GMPS: variants seen among roughly 807,000 people sequenced by gnomAD.
GMPS encodes GMP synthase [glutamine-hydrolyzing].
Under a neutral mutation model 77.9 loss-of-function variants are expected in GMPS, and 15 were observed. That is an observed-to-expected ratio of 0.19 (90% confidence interval 0.13 to 0.30). GMPS has a LOEUF of 0.30. Among genes scored for constraint, GMPS ranks in the 10% least tolerant of loss-of-function variants. The pLI, the probability that GMPS is intolerant of heterozygous loss-of-function variation, is 1.00. For synonymous variants in GMPS, 224 were observed against 275.9 expected, an observed-to-expected ratio of 0.81 and a Z score of 1.86; for missense variants, 590 against 838.8, an observed-to-expected ratio of 0.70 and a Z score of 3.66.
chr3:155,877,231 A>G (rs1482053069), intron 1 of GMPS, among the ~76,000 whole-genome samples: 4 of 152,198 alleles, frequency 2.6e-5, no homozygotes, highest in Admixed American at 2.0e-4. Flanking sequence ...ATATATCATT[A>G]TTTTGATGTT....
rs12386359 is a variant in GMPS, at chr3:155,929,618, C to T, written c.1561-2147C>T. On this transcript the variant is annotated intron_variant, in intron 12 of 15. Coordinates refer to ENST00000496455, the MANE Select transcript of GMPS (RefSeq NM_003875.3). Reference sequence around the variant, plus strand: ...ATGATTGTATATCTAGAAAACCCCACTGTCTCAGCCCAAAATCTCCTTAAG... The same window carrying T: ...ATGATTGTATATCTAGAAAACCCCATTGTCTCAGCCCAAAATCTCCTTAAG... Among the ~76,000 whole-genome samples the T allele has an allele frequency of 2.1e-5, 3 of 144,888 alleles. No homozygotes were observed. In the South Asian group the frequency reaches 7.4e-4, roughly 36 times the overall value.
chr3:155,890,907 C>G (rs999894074), intron 1 of GMPS, among the ~76,000 whole-genome samples: 8 of 152,208 alleles, frequency 5.3e-5, no homozygotes, highest in Non-Finnish European at 8.8e-5. Flanking sequence ...TGTTGGCCAG[C>G]CCCGTTTGGA....
chr3:155,919,207 T>C, intron 9 of GMPS, 26 bp from the exon 10 acceptor site: 1 of 1,015,432 alleles, frequency 9.8e-7, no homozygotes, highest in Non-Finnish European at 1.5e-6. Flanking sequence ...CTAGTTTATA[T>C]TGGTTGGCTT....
At chr3:155,898,669 A>T (rs528590507) in intron 3 of GMPS, among the ~76,000 whole-genome samples, 77 of 152,312 alleles carry the variant, frequency 5.1e-4, no homozygotes, top group African/African-American at 1.7e-3. Flanking sequence ...AAGTATTTTT[A>T]AAAAGTACGT....
At chr3:155,926,873 G>A (rs1452725671) in intron 12 of GMPS, among the ~76,000 whole-genome samples, 3 of 152,130 alleles carry the variant, frequency 2.0e-5, no homozygotes. Context: ...AATTAGCCGG[G>A]TGTGGTGGTG....
intron 15 of GMPS, 142 bp downstream of exon 15, chr3:155,936,652 A>C (rs560874594): frequency 9.0e-6 from 5 of 558,286 alleles, no homozygotes; most frequent in African/African-American, 5.7e-5. Context: ...TTAAATTTTC[A>C]CATATTTGAT....
intron 2 of GMPS, among the ~76,000 whole-genome samples, chr3:155,895,115 A>T (rs1288064733): frequency 6.6e-6 from 1 of 152,174 alleles, no homozygotes; most frequent in African/African-American, 2.4e-5. Flanking sequence ...ATGGTGTTTC[A>T]TGTCACTTGA....
intron 3 of GMPS, among the ~76,000 whole-genome samples, chr3:155,898,676 A>G (rs1372522555): frequency 5.3e-5 from 8 of 152,208 alleles, no homozygotes; most frequent in Non-Finnish European, 1.2e-4. Context: ...TTTAAAAAGT[A>G]CGTGTTAATT....
intron 1 of GMPS, among the ~76,000 whole-genome samples, chr3:155,879,406 T>G (rs931983752): frequency 6.6e-6 from 1 of 151,894 alleles, no homozygotes; most frequent in African/African-American, 2.4e-5. Context: ...TAGCTGGGAT[T>G]ACAGGCATGC....
chr3:155,933,048 C>T (rs980973020), intron 13 of GMPS, among the ~76,000 whole-genome samples: 5 of 152,038 alleles, frequency 3.3e-5, no homozygotes, highest in Admixed American at 1.3e-4. Flanking sequence ...AAAAATTAGC[C>T]AGGCATGGTG....
intron 1 of GMPS, among the ~76,000 whole-genome samples, chr3:155,872,026 CTGT>C (rs1229124901): frequency 1.3e-5 from 2 of 152,176 alleles, no homozygotes; most frequent in Non-Finnish European, 2.9e-5. Context: ...CCTCTGTACG[CTGT>C]TGAGGGCCTA....
chr3:155,873,094 C>T (rs1276219252), intron 1 of GMPS, among the ~76,000 whole-genome samples: 1 of 152,104 alleles, frequency 6.6e-6, no homozygotes, highest in African/African-American at 2.4e-5. Flanking sequence ...TGGGCCTTGG[C>T]TGTGTGTATC....
At chr3:155,875,436 G>T (rs1477280782) in intron 1 of GMPS, among the ~76,000 whole-genome samples, 2 of 152,314 alleles carry the variant, frequency 1.3e-5, no homozygotes, top group East Asian at 3.9e-4. Flanking sequence ...TCACCATGTT[G>T]CCCAGGCTGG....
In GMPS at chr3:155,941,143, G is replaced by A. The variant is rs942067849; in HGVS notation, c.*3451G>A. On this transcript the variant is annotated 3_prime_UTR_variant, in exon 16 of 16. Transcript: ENST00000496455. ...TTCTTGGCCGGGCGCGGTGGCTCAT[G>A]CCTGTAATCCCAGCACTTTGGGAGG... The A allele has an allele frequency of 2.8e-5, 5 of 180,450 alleles. No homozygotes were observed. Among genetic ancestry groups the A allele is most frequent in the Admixed American group, 6.3e-5 (1 of 15,902 alleles). 11.2% of individuals were successfully genotyped at this position (180,450 alleles called of 1,614,324 possible).
At chr3:155,878,387 T>C (rs1305886062) in intron 1 of GMPS, among the ~76,000 whole-genome samples, 1 of 152,234 alleles carries the variant, frequency 6.6e-6, no homozygotes, top group Non-Finnish European at 1.5e-5. Context: ...TACCACCTTA[T>C]ATTTATCCAC....
chr3:155,942,119 A>G lies in GMPS; in HGVS notation c.*4427A>G. 5.3e-6 allele frequency: 1 copy of G among 190,064 alleles called. No individual in the cohort carries two copies. Among genetic ancestry groups the G allele is most frequent in the East Asian group, 8.4e-5 (1 of 11,872 alleles). The allele number at this position is 190,064 out of a possible 1,614,324, so 11.8% of individuals were successfully genotyped here. A position where few individuals can be genotyped will look rare whatever the true frequency, so the allele number is the denominator to read the frequency against. On this transcript the variant is annotated 3_prime_UTR_variant, in exon 16 of 16. Transcript: ENST00000496455. ...TTGTTTTGTTTTTTTTTTAAGACAGAGTCTCGCTCTGTCCCCAAGTGCAGT... is the reference window on the plus strand; with the variant it reads ...TTGTTTTGTTTTTTTTTTAAGACAGGGTCTCGCTCTGTCCCCAAGTGCAGT...
intron 7 of GMPS, among the ~76,000 whole-genome samples, chr3:155,913,212 CA>C (rs888398730): frequency 1.1e-4 from 17 of 152,188 alleles, no homozygotes; most frequent in African/African-American, 3.9e-4. Flanking sequence ...GAAAGACCTA[CA>C]AATTCACTGG....
intron 2 of GMPS, among the ~76,000 whole-genome samples, chr3:155,894,286 C>G (rs942141024): frequency 6.6e-6 from 1 of 152,102 alleles, no homozygotes; most frequent in Non-Finnish European, 1.5e-5. Flanking sequence ...TGCAGCGGCA[C>G]GATTTTGGCT....
At chr3:155,923,871 G>GTT (rs966672686) in intron 11 of GMPS, among the ~76,000 whole-genome samples, 2 of 146,484 alleles carry the variant, frequency 1.4e-5, no homozygotes, top group Admixed American at 6.8e-5. Flanking sequence ...GAGAACCATT[G>GTT]TTTTTTTTTT....
Sources: allele counts gnomAD v4.1 joint callset (sites outside exome capture counted in the v4.1 genomes callset), GRCh38; gene constraint gnomAD v4.1.1; transcripts MANE v1.5; gene names NCBI Gene and HGNC (gene_info 2026-07-23, HGNC 2026-07-21).